Variants in PAN3 observed in about 807,000 individuals in gnomAD.
PAN3 encodes the protein PAN2-PAN3 deadenylation complex subunit PAN3.
In PAN3, 19 loss-of-function variants were observed where a neutral mutation model predicts 96.2. The observed-to-expected ratio is 0.20, with a 90% CI of 0.14 to 0.29. The LOEUF is 0.29. Among genes scored for constraint, PAN3 ranks in the 10% least tolerant of loss-of-function variants. The pLI is 1.00. For missense variants in PAN3, 882 were observed against 1,108.1 expected (o/e 0.80, Z 2.90); for synonymous variants, 433 against 406.6 (o/e 1.06, Z -0.78).
At chr13:28,152,484 T>C (rs1871489832) in intron 1 of PAN3, among the ~76,000 whole-genome samples, 1 of 151,836 alleles carries the variant, frequency 6.6e-6, no homozygotes, top group Admixed American at 6.6e-5. Flanking sequence ...CTCAGGAGGC[T>C]GAGGCAAGAG....
intron 18 of PAN3, among the ~76,000 whole-genome samples, chr13:28,291,385 T>G (rs1319731956): frequency 6.6e-6 from 1 of 152,154 alleles, no homozygotes; most frequent in Non-Finnish European, 1.5e-5. Context: ...CAAATTCCAT[T>G]AGGGTCATGA....
intron 1 of PAN3, among the ~76,000 whole-genome samples, chr13:28,172,492 A>G (rs567596786): frequency 4.8e-4 from 73 of 152,240 alleles, no homozygotes; most frequent in African/African-American, 1.6e-3. Flanking sequence ...ATCATTTTCT[A>G]TAACAGTTTA....
chr13:28,291,578 C>T (rs1869748886), intron 18 of PAN3, among the ~76,000 whole-genome samples: 1 of 152,130 alleles, frequency 6.6e-6, no homozygotes, highest in Non-Finnish European at 1.5e-5. Context: ...ACCTGTAATC[C>T]CAGTACTTTG....
intron 1 of PAN3, among the ~76,000 whole-genome samples, chr13:28,170,396 A>C (rs1874146438): frequency 6.6e-6 from 1 of 152,214 alleles, no homozygotes; most frequent in African/African-American, 2.4e-5. Flanking sequence ...GCTTATGTGC[A>C]GTGGACCTTG....
At chr13:28,260,392 T>G in intron 7 of PAN3, 55 bp from the exon 8 acceptor site, 1 of 1,385,076 alleles carries the variant, frequency 7.2e-7, no homozygotes, top group Non-Finnish European at 1.0e-6. Context: ...AGACTCCATC[T>G]GAAAAAAAGA....
intron 15 of PAN3, 88 bp downstream of exon 15, chr13:28,277,464 C>T (rs1273001100): frequency 7.3e-7 from 1 of 1,362,400 alleles, no homozygotes; most frequent in Non-Finnish European, 1.0e-6. Context: ...TTTTGGTTCC[C>T]ACTATTTAAA....
intron 3 of PAN3, 61 bp downstream of exon 3, chr13:28,176,620 A>G: frequency 6.8e-7 from 1 of 1,471,766 alleles, no homozygotes; most frequent in Admixed American, 2.0e-5. Context: ...TCTAAAAGTA[A>G]TATACAACCA....
intron 1 of PAN3, among the ~76,000 whole-genome samples, chr13:28,160,993 C>G (rs1449740343): frequency 6.6e-6 from 1 of 152,164 alleles, no homozygotes; most frequent in Non-Finnish European, 1.5e-5. Context: ...TAGTTTAGTA[C>G]TAGGAAAAAT....
intron 5 of PAN3, among the ~76,000 whole-genome samples, chr13:28,207,391 A>T (rs1403209181): frequency 6.6e-6 from 1 of 152,132 alleles, no homozygotes; most frequent in African/African-American, 2.4e-5. Flanking sequence ...CTTCTTTTTC[A>T]AACAACTACC....
chr13:28,267,703 A>G lies in PAN3; in HGVS notation c.1792+302A>G, dbSNP rs563603479. Among the ~76,000 whole-genome samples, 4 of 152,310 alleles carry G rather than the reference A, an allele frequency of 2.6e-5. No individual in the cohort carries two copies. The South Asian group carries it at 6.2e-4, about 24-fold the overall frequency. ...AGACAAGAGAAGTGAATGAGAGCCA[A>G]GTAAAAGGGGTTTCCCCCTGTAAAA... On this transcript the variant is annotated intron_variant, in intron 12 of 18. Transcript: ENST00000380958.
intron 1 of PAN3, among the ~76,000 whole-genome samples, chr13:28,159,907 T>C (rs1171020424): frequency 6.6e-6 from 1 of 152,024 alleles, no homozygotes; most frequent in African/African-American, 2.4e-5. Context: ...TGTATACCCC[T>C]GAAACTGAAA....
At chr13:28,263,237 G>A (rs563112185) in intron 9 of PAN3, among the ~76,000 whole-genome samples, 41 of 152,154 alleles carry the variant, frequency 2.7e-4, no homozygotes, top group Non-Finnish European at 4.3e-4. Context: ...ATTGATTAAC[G>A]GAACAGATTA....
rs1024602117 is a variant in PAN3, at chr13:28,201,119, C to T, written c.852+3773C>T. Among the ~76,000 whole-genome samples, 16 of 151,784 alleles carry T rather than the reference C, an allele frequency of 1.1e-4. 1 individual carries two copies. Among genetic ancestry groups the T allele is most frequent in the South Asian group, 1.0e-3 (5 of 4,806 alleles). On this transcript the variant is annotated intron_variant, in intron 5 of 18. Transcript: ENST00000380958. ...GCAATCATGGCTCACCTCATAGTCT[C>T]GACCTCCTGTGCTCAAGCGATCCTC... is the stretch of plus-strand genomic sequence containing the variant.
chr13:28,143,119 T>G (rs924283445), intron 1 of PAN3, among the ~76,000 whole-genome samples: 6 of 152,016 alleles, frequency 3.9e-5, no homozygotes, highest in African/African-American at 1.5e-4. Flanking sequence ...TTTTTGTTTT[T>G]GTTTTTTTTG....
chr13:28,139,431 G>C (rs1869317183), intron 1 of PAN3, among the ~76,000 whole-genome samples: 1 of 151,584 alleles, frequency 6.6e-6, no homozygotes, highest in Non-Finnish European at 1.5e-5. Flanking sequence ...AAAGGGGCTG[G>C]GTTTGCAGGC....
chr13:28,214,643 A>G (rs547312601), intron 5 of PAN3: 6 of 427,498 alleles, frequency 1.4e-5, no homozygotes, highest in South Asian at 8.8e-5. Context: ...AAAATTGGAA[A>G]AGGAGGCTGC....
rs199986612 is a variant in PAN3 at position 28,254,684 on chromosome 13, AATAT to A, written c.1001-1606_1001-1603del. 3.1e-3 allele frequency among the ~76,000 whole-genome samples: 471 copies of A among 152,106 alleles called. 8 individuals carry two copies. Among genetic ancestry groups the A allele is most frequent in the Admixed American group, 0.026 (395 of 15,286 alleles). On this transcript the variant is annotated intron_variant, in intron 6 of 18. Coordinates refer to ENST00000380958, the MANE Select transcript of PAN3 (RefSeq NM_175854.8). Reference sequence around the variant, plus strand: ...AAAAATAAAATAAAAGGTTTATATAAATATAGTAATTTGGCTTCATATTTTTTTT... The same window carrying A: ...AAAAATAAAATAAAAGGTTTATATAAAGTAATTTGGCTTCATATTTTTTTT...
rs1406887647 is a variant in PAN3 at position 28,265,826 on chromosome 13, C to T, written c.1412-889C>T. Among the ~76,000 whole-genome samples, 2 of 22,188 alleles carry T rather than the reference C, an allele frequency of 9.0e-5. 1 individual carries two copies. Among genetic ancestry groups the T allele is most frequent in the Non-Finnish European group, 1.4e-4 (2 of 14,520 alleles). The allele number at this position is 22,188 out of a possible 152,430, so 14.6% of individuals were successfully genotyped here. ...TCGGCTCACTGCAAGCTCCGCTTCC[C>T]GGGTTCACGCCATTCTCCTGCCTCA... is the stretch of plus-strand genomic sequence containing the variant. On this transcript the variant is annotated intron_variant, in intron 9 of 18. Transcript: ENST00000380958.
chr13:28,174,169 T>C, intron 1 of PAN3, 103 bp from the exon 2 acceptor site: 6 of 1,220,614 alleles, frequency 4.9e-6, no homozygotes, highest in Non-Finnish European at 6.8e-6. Context: ...AAAATAAGTG[T>C]GACAGATTTG....
Sources: gnomAD v4.1 joint callset for allele counts (sites outside exome capture counted in the v4.1 genomes callset) on GRCh38, gnomAD v4.1.1 for gene constraint, MANE v1.5 for transcripts, NCBI Gene and HGNC (gene_info 2026-07-23, HGNC 2026-07-21) for gene names.